The following ADK variants were observed in gnomAD, a reference collection of about 807,000 sequenced individuals.
The protein encoded by ADK is N6,N6-dimethyladenosine kinase.
A neutral mutation model predicts 44.7 loss-of-function variants in ADK; 24 were observed. The observed-to-expected ratio is 0.54, with a 90% CI of 0.39 to 0.76. The LOEUF (loss-of-function observed/expected upper bound fraction) is 0.76, where lower values mean the gene tolerates loss of function less well. Among genes scored for constraint, ADK ranks in the 30% least tolerant of loss-of-function variants. ADK has a pLI of 0.00. For synonymous variants in ADK, 128 were observed against 142.6 expected, an observed-to-expected ratio of 0.90 and a Z score of 0.73; for missense variants, 321 against 425.1, an observed-to-expected ratio of 0.76 and a Z score of 2.15.
chr10:74,199,231 G>T (rs1319479584), intron 1 of ADK, among the ~76,000 whole-genome samples: 1 of 152,098 alleles, frequency 6.6e-6, no homozygotes, highest in African/African-American at 2.4e-5. Flanking sequence ...GTGCAGGTTT[G>T]TTACATGGGT....
intron 3 of ADK, among the ~76,000 whole-genome samples, chr10:74,240,155 C>G (rs1444109547): frequency 6.6e-6 from 1 of 152,122 alleles, no homozygotes; most frequent in African/African-American, 2.4e-5. Context: ...GCTGGGATTA[C>G]AGGTGTGCAA....
At chr10:74,465,076 C>A (rs566915792) in intron 6 of ADK, among the ~76,000 whole-genome samples, 4 of 151,814 alleles carry the variant, frequency 2.6e-5, no homozygotes, top group African/African-American at 9.7e-5. Context: ...GTAATAAGAA[C>A]CTTGGAGAAA....
chr10:74,235,128 C>CAT (rs1564610052), intron 3 of ADK, among the ~76,000 whole-genome samples: 1 of 130,140 alleles, frequency 7.7e-6, no homozygotes, highest in Non-Finnish European at 1.6e-5. Context: ...GAAATTATCC[C>CAT]TTTTTTTTTT....
intron 6 of ADK, among the ~76,000 whole-genome samples, chr10:74,417,255 A>G (rs1428757935): frequency 7.2e-5 from 11 of 152,202 alleles, no homozygotes; most frequent in Admixed American, 7.2e-4. Context: ...TCATTCAAAT[A>G]TCTTTAATTC....
At chr10:74,200,517 T>A (rs1260949083) in intron 1 of ADK, among the ~76,000 whole-genome samples, 1 of 151,694 alleles carries the variant, frequency 6.6e-6, no homozygotes, top group East Asian at 1.9e-4. Context: ...GTATTCTCAT[T>A]GGTGTGAGAT....
chr10:74,421,910 A>G (rs1844568611), intron 6 of ADK, among the ~76,000 whole-genome samples: 4 of 152,206 alleles, frequency 2.6e-5, no homozygotes, highest in Admixed American at 1.3e-4. Flanking sequence ...AGTGTTATGT[A>G]TAAATTGTAT....
chr10:74,302,127 T>TTTTTTTTTTG (rs1840074635), intron 3 of ADK, among the ~76,000 whole-genome samples: 1 of 99,664 alleles, frequency 1.0e-5, no homozygotes, highest in African/African-American at 4.3e-5. Context: ...TTTTTTTTTT[T>TTTTTTTTTTG]TTTTTTTTTT....
chr10:74,292,724 A>G (rs1289669128), intron 3 of ADK, among the ~76,000 whole-genome samples: 1 of 151,936 alleles, frequency 6.6e-6, no homozygotes, highest in East Asian at 1.9e-4. Context: ...TTATACTGGC[A>G]CCACTTGTGA....
intron 10 of ADK, among the ~76,000 whole-genome samples, chr10:74,694,784 A>G (rs1332124243): frequency 6.6e-6 from 1 of 152,046 alleles, no homozygotes; most frequent in Admixed American, 6.6e-5. Context: ...GCCCAGCCAG[A>G]AGTTTTCATT....
At chr10:74,544,023 C>T (rs963318083) in intron 7 of ADK, among the ~76,000 whole-genome samples, 1 of 152,122 alleles carries the variant, frequency 6.6e-6, no homozygotes, top group African/African-American at 2.4e-5. Context: ...TTCATGTTTT[C>T]TTATCATCAA....
intron 7 of ADK, among the ~76,000 whole-genome samples, chr10:74,526,649 A>C (rs953312031): frequency 6.6e-6 from 1 of 152,218 alleles, no homozygotes; most frequent in Non-Finnish European, 1.5e-5. Context: ...AGGATGATCC[A>C]TAGAAATAAT....
intron 1 of ADK, among the ~76,000 whole-genome samples, chr10:74,185,060 T>C (rs774258860): frequency 6.6e-6 from 1 of 152,216 alleles, no homozygotes; most frequent in African/African-American, 2.4e-5. Flanking sequence ...ATAATAGCGA[T>C]ACCTATCCTA....
intron 6 of ADK, among the ~76,000 whole-genome samples, chr10:74,454,822 G>A (rs1169685359): frequency 6.6e-6 from 1 of 152,150 alleles, no homozygotes; most frequent in African/African-American, 2.4e-5. Context: ...GTGAAACTTG[G>A]CAAGGCCTTT....
chr10:74,281,346 T>C (rs1282797031), intron 3 of ADK, among the ~76,000 whole-genome samples: 1 of 152,240 alleles, frequency 6.6e-6, no homozygotes, highest in Non-Finnish European at 1.5e-5. Flanking sequence ...TCCCATTGAT[T>C]TGATAGTGAG....
intron 1 of ADK, among the ~76,000 whole-genome samples, chr10:74,157,716 TAAAA>T (rs35499084): frequency 7.5e-6 from 1 of 133,922 alleles, no homozygotes; most frequent in Non-Finnish European, 1.6e-5. Context: ...CCATCTTTAC[TAAAA>T]AAAAAAAAAA....
intron 6 of ADK, among the ~76,000 whole-genome samples, chr10:74,443,716 T>C (rs926495849): frequency 2.6e-5 from 4 of 152,162 alleles, no homozygotes; most frequent in African/African-American, 7.2e-5. Flanking sequence ...AAAGCTTTTA[T>C]TTTAAAAAAT....
intron 4 of ADK, among the ~76,000 whole-genome samples, chr10:74,340,787 C>T (rs1841558011): frequency 6.6e-6 from 1 of 152,050 alleles, no homozygotes; most frequent in Non-Finnish European, 1.5e-5. Context: ...ATATAGCATG[C>T]TGCATATTAC....
intron 3 of ADK, among the ~76,000 whole-genome samples, chr10:74,269,842 C>CA (rs1475240858): frequency 6.6e-6 from 1 of 151,914 alleles, no homozygotes; most frequent in East Asian, 1.9e-4. Context: ...ACTAAAAATA[C>CA]AAAAAATTAG....
chr10:74,337,846 T>C (rs1434804904), intron 4 of ADK, among the ~76,000 whole-genome samples: 5 of 149,872 alleles, frequency 3.3e-5, no homozygotes, highest in African/African-American at 1.2e-4. Context: ...CACCGCAGCC[T>C]CCGCCTCCCG....
Sources: allele counts gnomAD v4.1 joint callset (sites outside exome capture counted in the v4.1 genomes callset), GRCh38; gene constraint gnomAD v4.1.1; transcripts MANE v1.5; gene names NCBI Gene and HGNC (gene_info 2026-07-23, HGNC 2026-07-21).